The following AGL variants were observed in gnomAD, a reference collection of about 807,000 sequenced individuals.
AGL encodes the protein glycogen debranching enzyme.
Under a neutral mutation model 199.3 loss-of-function variants are expected in AGL, and 128 were observed. That is an observed-to-expected ratio of 0.64 (90% confidence interval 0.56 to 0.74). The LOEUF (loss-of-function observed/expected upper bound fraction) is 0.74, where lower values mean the gene tolerates loss of function less well. Among genes scored for constraint, AGL ranks in the 30% least tolerant of loss-of-function variants. The pLI is 0.00. For synonymous variants in AGL, 584 were observed against 594.7 expected, an observed-to-expected ratio of 0.98 and a Z score of 0.26; for missense variants, 1,809 against 1,820.8, an observed-to-expected ratio of 0.99 and a Z score of 0.12.
intron 2 of AGL, among the ~76,000 whole-genome samples, chr1:99,854,763 C>CAA (rs11368135): frequency 5.9e-5 from 5 of 84,158 alleles, no homozygotes; most frequent in Admixed American, 4.1e-4. Flanking sequence ...GATGCCGTCT[C>CAA]AAAAAAAAAA....
In AGL at chr1:99,884,852, T is replaced by G. The variant is rs1652333776; in HGVS notation, c.2681+149T>G. 5 of 937,018 alleles carry G rather than the reference T, an allele frequency of 5.3e-6. No homozygotes were observed. In the South Asian group the frequency reaches 7.3e-5, roughly 14 times the overall value. The allele number at this position is 937,018 out of a possible 1,614,324, so 58.0% of individuals were successfully genotyped here. ...GTGTCAGCATCACCTGTTGTTAACA[T>G]TTTACCCTATTGTTTTATAATTTGT... On this transcript the variant is annotated intron_variant, in intron 20 of 33. Transcript: ENST00000361915.
chr1:99,909,063 A>G (rs1654536141), intron 27 of AGL, among the ~76,000 whole-genome samples: 1 of 152,002 alleles, frequency 6.6e-6, no homozygotes, highest in South Asian at 2.1e-4. Flanking sequence ...TGAAATCTCT[A>G]GTTGGGAGTG....
intron 25 of AGL, among the ~76,000 whole-genome samples, chr1:99,898,250 G>A (rs886339170): frequency 6.6e-6 from 1 of 152,078 alleles, no homozygotes; most frequent in Non-Finnish European, 1.5e-5. Flanking sequence ...GTTTCACCAT[G>A]TTAGCCAGGA....
Position 99,910,781 on chromosome 1 carries a change from G to A in AGL, c.3770G>A (p.Gly1257Asp). The A allele has an allele frequency of 6.2e-7, 1 of 1,612,866 alleles. No homozygotes were observed. Among genetic ancestry groups the A allele is most frequent in the South Asian group, 1.1e-5 (1 of 91,024 alleles). Reference sequence around the variant, plus strand: ...TATGGAGGAAATCGTTTCAATTGTGGCACATGGATGGATAAAATGGGAGAA... The same window carrying A: ...TATGGAGGAAATCGTTTCAATTGTGACACATGGATGGATAAAATGGGAGAA... Reference protein sequence around the residue: ...FVYGGNRFNCGTWMDKMGESD... With the variant: ...FVYGGNRFNCDTWMDKMGESD... Residue 1257 changes from glycine (G) to aspartate (D), a missense_variant, in exon 28 of 34, where the codon GGC (glycine) becomes GAC (aspartate). Gly to Asp is a moderately conservative substitution (Grantham distance 94, BLOSUM62 -1). Transcript: ENST00000361915.
chr1:99,855,904 AG>A (rs1488292305), intron 2 of AGL, among the ~76,000 whole-genome samples: 2 of 152,208 alleles, frequency 1.3e-5, no homozygotes, highest in African/African-American at 4.8e-5. Context: ...TATTTTTTAA[AG>A]AAAATATTTA....
At chr1:99,866,879 C>A (rs1323778614) in intron 5 of AGL, among the ~76,000 whole-genome samples, 3 of 151,444 alleles carry the variant, frequency 2.0e-5, no homozygotes, top group Non-Finnish European at 4.4e-5. Context: ...AGTGCAATGG[C>A]GCGATCTCGG....
intron 20 of AGL, among the ~76,000 whole-genome samples, chr1:99,886,723 T>C (rs1198747482): frequency 6.6e-6 from 1 of 152,244 alleles, no homozygotes; most frequent in African/African-American, 2.4e-5. Context: ...AGTGTTGTTT[T>C]ATGTATTACC....
At chr1:99,887,595 G>T (rs1286543893) in intron 20 of AGL, among the ~76,000 whole-genome samples, 1 of 152,078 alleles carries the variant, frequency 6.6e-6, no homozygotes, top group Admixed American at 6.6e-5. Flanking sequence ...ATATAAAGGA[G>T]AGAAATCAGA....
intron 13 of AGL, among the ~76,000 whole-genome samples, chr1:99,880,399 C>T (rs1379245421): frequency 6.6e-6 from 1 of 152,170 alleles, no homozygotes; most frequent in Non-Finnish European, 1.5e-5. Flanking sequence ...GCTTACATCC[C>T]AGTAAACAAC....
chr1:99,907,412 C>T (rs777759579), intron 27 of AGL, among the ~76,000 whole-genome samples: 2 of 152,096 alleles, frequency 1.3e-5, no homozygotes, highest in African/African-American at 2.4e-5. Context: ...CTGCTGTGAA[C>T]ATGGGTGTAC....
rs748144876 is a variant in AGL, at chr1:99,881,731, TTATTA to T, written c.2308+46_2308+50del. ...AAATTGTTACTGTATTTGTATTATATTATTATATTAAATTATACTGTAATGTTATG... is the reference window on the plus strand; with the variant it reads ...AAATTGTTACTGTATTTGTATTATATTATTAAATTATACTGTAATGTTATG... On this transcript the variant is annotated intron_variant, in intron 17 of 33. Transcript: ENST00000361915. 51 of 1,491,098 alleles carry T rather than the reference TTATTA, an allele frequency of 3.4e-5. No individual in the cohort carries two copies. In the South Asian group the frequency reaches 6.0e-4, roughly 18 times the overall value. 92.4% of individuals were successfully genotyped at this position (1,491,098 alleles called of 1,614,324 possible).
chr1:99,896,271 T>C lies in AGL; in HGVS notation c.3260-15T>C. ...TTATGATTAACATATTACTTTGTTGTGTTTTTTTTGTTAGGCTTACCTCAT... is the reference window on the plus strand; with the variant it reads ...TTATGATTAACATATTACTTTGTTGCGTTTTTTTTGTTAGGCTTACCTCAT... On this transcript the variant is annotated splice_polypyrimidine_tract_variant and intron_variant, in intron 24 of 33. Coordinates refer to ENST00000361915, the MANE Select transcript of AGL (RefSeq NM_000642.3). 4 of 1,582,250 alleles carry C rather than the reference T, an allele frequency of 2.5e-6. No individual in the cohort carries two copies. The highest frequency in any genetic ancestry group is 2.6e-6 in the Non-Finnish European group (3 of 1,151,108).
In AGL at chr1:99,880,760, A is replaced by C. The variant is rs145517369; in HGVS notation, c.1864A>C (p.Met622Leu). The C allele has an allele frequency of 1.4e-5, 22 of 1,613,898 alleles. No homozygotes were observed. The African/African-American group carries it at 2.8e-4, about 21-fold the overall frequency. Reference sequence around the variant, plus strand: ...GCCAGCTATTGCACATGCCCTGTTTATGGATATTACGCATGATAATGAGTG... The same window carrying C: ...GCCAGCTATTGCACATGCCCTGTTTCTGGATATTACGCATGATAATGAGTG... Reference protein sequence around the residue: ...LMPAIAHALFMDITHDNECPI... With the variant: ...LMPAIAHALFLDITHDNECPI... Residue 622 changes from methionine to leucine, a missense_variant, in exon 14 of 34, where the codon ATG (methionine) becomes CTG (leucine). Met to Leu is a conservative substitution (Grantham distance 15). Transcript: ENST00000361915.
intron 17 of AGL, among the ~76,000 whole-genome samples, chr1:99,883,071 T>C (rs1377315601): frequency 6.6e-6 from 1 of 152,192 alleles, no homozygotes; most frequent in East Asian, 1.9e-4. Flanking sequence ...AAAATTGTGA[T>C]TTTTATTTTG....
chr1:99,853,536 A>G (rs1649147839), intron 2 of AGL, among the ~76,000 whole-genome samples: 1 of 152,242 alleles, frequency 6.6e-6, no homozygotes, highest in Non-Finnish European at 1.5e-5. Context: ...TAAGTGCTGA[A>G]TAATGAAGCA....
intron 31 of AGL, among the ~76,000 whole-genome samples, chr1:99,915,986 T>G (rs1286640534): frequency 6.6e-6 from 1 of 152,178 alleles, no homozygotes; most frequent in Admixed American, 6.5e-5. Context: ...TGGAGAAGCT[T>G]AAAAATCACC....
chr1:99,861,249 G>A, intron 2 of AGL: 3 of 1,337,530 alleles, frequency 2.2e-6, no homozygotes, highest in Non-Finnish European at 1.9e-6. Flanking sequence ...TATGTGAATA[G>A]GAATGCGTTT....
chr1:99,864,835 A>G (rs1650370996), intron 5 of AGL, among the ~76,000 whole-genome samples: 1 of 152,254 alleles, frequency 6.6e-6, no homozygotes, highest in Non-Finnish European at 1.5e-5. Context: ...TTATAAATAC[A>G]GGAGAGTGAT....
At chr1:99,901,621 G>A (rs962799280) in intron 26 of AGL, among the ~76,000 whole-genome samples, 3 of 152,048 alleles carry the variant, frequency 2.0e-5, no homozygotes, top group African/African-American at 4.8e-5. Flanking sequence ...AATCCAGGGA[G>A]CTTAAAGATT....
Sources: gnomAD v4.1 joint callset for allele counts (sites outside exome capture counted in the v4.1 genomes callset) on GRCh38, gnomAD v4.1.1 for gene constraint, MANE v1.5 for transcripts, NCBI Gene and HGNC (gene_info 2026-07-23, HGNC 2026-07-21) for gene names.